SPNS3: variants seen among roughly 807,000 people sequenced by gnomAD.
The protein encoded by SPNS3 is protein spinster homolog 3.
SPNS3 carries 51 observed loss-of-function variants against 54.4 expected under a neutral mutation model. The ratio of observed to expected loss-of-function variants is 0.94; its 90% confidence interval spans 0.75 to 1.18. SPNS3 has a LOEUF of 1.18. Among genes scored for constraint, SPNS3 ranks in the 50% most tolerant of loss-of-function variants. The probability of loss-of-function intolerance (pLI) is 0.00; values close to 1 mark genes in which losing one functional copy is unlikely to be tolerated. For synonymous variants in SPNS3, 309 were observed against 294.7 expected (o/e 1.05, Z -0.50); for missense variants, 669 against 677.4 (o/e 0.99, Z 0.14).
At position 4,434,162 on chromosome 17, in the gene SPNS3, T is replaced by C; in HGVS notation, c.195T>C (p.Ile65=). 1.9e-6 allele frequency: 3 copies of C among 1,609,112 alleles called. No homozygotes were observed. The highest frequency in any genetic ancestry group is 2.5e-6 in the Non-Finnish European group (3 of 1,177,516). The change falls in exon 1 of 12, where the codon ATT becomes ATC. Residue 65 remains isoleucine (I), a synonymous_variant. Transcript: ENST00000355530. The stretch of plus-strand genomic sequence containing the variant: ...TGAATTACATGAACTGGTTCATCAT[T>C]GCAGGTGAGGAGGGGATGGCTACCC... ...NLLNYMNWFI[I]AGVLLDIQEV...
At chr17:4,473,016 T>C (rs1971900129) in intron 8 of SPNS3, among the ~76,000 whole-genome samples, 1 of 151,992 alleles carries the variant, frequency 6.6e-6, no homozygotes, top group Admixed American at 6.6e-5. Context: ...CTTGAACTCC[T>C]GGGCTCAAGC....
intron 8 of SPNS3, among the ~76,000 whole-genome samples, chr17:4,476,282 C>T (rs541789961): frequency 3.9e-5 from 6 of 152,324 alleles, no homozygotes; most frequent in East Asian, 1.9e-4. Context: ...GACCTGGCAT[C>T]GTCGGGCGGC....
chr17:4,449,190 G>T, intron 6 of SPNS3, 45 bp from the exon 7 acceptor site: 2 of 1,597,760 alleles, frequency 1.3e-6, no homozygotes, highest in Non-Finnish European at 8.5e-7. Flanking sequence ...GGCCCCTTCA[G>T]CCCCAGCCCT....
intron 8 of SPNS3, among the ~76,000 whole-genome samples, chr17:4,470,744 C>T (rs542180817): frequency 4.6e-5 from 7 of 152,214 alleles, no homozygotes; most frequent in South Asian, 2.1e-4. Context: ...CTTGAATAAA[C>T]GTAAAATCAA....
intron 8 of SPNS3, among the ~76,000 whole-genome samples, chr17:4,460,588 C>T (rs554439802): frequency 1.1e-3 from 170 of 150,842 alleles, no homozygotes; most frequent in African/African-American, 3.7e-3. Context: ...CCTGCTACCA[C>T]GCCTGGCTAA....
intron 8 of SPNS3, among the ~76,000 whole-genome samples, chr17:4,470,255 C>G (rs555082548): frequency 2.6e-5 from 4 of 151,966 alleles, no homozygotes; most frequent in South Asian, 4.2e-4. Context: ...ATGGTGAAAC[C>G]CCGTCTCTAC....
intron 2 of SPNS3, among the ~76,000 whole-genome samples, chr17:4,443,220 G>A (rs142244708): frequency 0.11 from 16,171 of 152,008 alleles, 1,010 homozygotes; most frequent in African/African-American, 0.18. Context: ...ACAGGCGCCC[G>A]CCACCATGCT....
chr17:4,451,879 G>A (rs1240040730), intron 7 of SPNS3, among the ~76,000 whole-genome samples: 2 of 148,894 alleles, frequency 1.3e-5, no homozygotes, highest in Admixed American at 6.7e-5. Context: ...GGGTTTTGCT[G>A]TATCGGCCAG....
Position 4,449,215 on chromosome 17 carries a change from TG to T in SPNS3, c.771-16del. ...GCCCCAGCCCTCTCCCAACTCCAGC[TG>T]GGGCACCTCGTCTTGCAGCTGGAGT... On this transcript the variant is annotated intron_variant, in intron 6 of 11. Transcript: ENST00000355530. 1 of 1,607,268 alleles carries T rather than the reference TG, an allele frequency of 6.2e-7. No individual in the cohort carries two copies.
intron 8 of SPNS3, among the ~76,000 whole-genome samples, chr17:4,465,394 T>C (rs76106812): frequency 0.034 from 5,175 of 152,176 alleles, 276 homozygotes; most frequent in African/African-American, 0.12. Context: ...TTTTTTTTTT[T>C]ACCTGAGCAC....
chr17:4,444,136 C>T (rs1970920073), intron 2 of SPNS3, among the ~76,000 whole-genome samples: 1 of 151,792 alleles, frequency 6.6e-6, no homozygotes. Flanking sequence ...CAGCTGTGTC[C>T]AGGGAACATT....
At chr17:4,444,975 C>A (rs1970943559) in intron 2 of SPNS3, 57 bp from the exon 3 acceptor site, 1 of 1,561,124 alleles carries the variant, frequency 6.4e-7, no homozygotes, top group African/African-American at 1.4e-5. Context: ...CCTGCTGGGC[C>A]ATCTGCCCTG....
rs1012224159 is a variant in SPNS3, at chr17:4,487,909, C to T, written c.*15C>T. 1.6e-5 allele frequency: 26 copies of T among 1,608,662 alleles called. No individual in the cohort carries two copies. The highest frequency in any genetic ancestry group is 2.0e-5 in the Non-Finnish European group (24 of 1,175,548). ...AGGAGCCCTGAGGTCCCTGCCTACACTCGTCCTGCCTGCAAGCCTCCCGTT... is the reference window on the plus strand; with the variant it reads ...AGGAGCCCTGAGGTCCCTGCCTACATTCGTCCTGCCTGCAAGCCTCCCGTT... On this transcript the variant is annotated 3_prime_UTR_variant, in exon 12 of 12. Coordinates refer to ENST00000355530, the MANE Select transcript of SPNS3 (RefSeq NM_182538.5).
At chr17:4,459,487 G>A (rs181628614) in intron 8 of SPNS3, among the ~76,000 whole-genome samples, 10 of 152,180 alleles carry the variant, frequency 6.6e-5, no homozygotes, top group Admixed American at 3.9e-4. Context: ...CGAGGCAGGC[G>A]GATCACCTGA....
At chr17:4,447,997 G>T (rs1431576184) in intron 5 of SPNS3, among the ~76,000 whole-genome samples, 158 bp from the exon 6 acceptor site, 5 of 152,180 alleles carry the variant, frequency 3.3e-5, no homozygotes, top group African/African-American at 1.2e-4. Context: ...ATCCTGCTCT[G>T]TGGATACCAG....
At chr17:4,449,049 G>GTCT (rs1485970715) in intron 6 of SPNS3, among the ~76,000 whole-genome samples, 186 bp from the exon 7 acceptor site, 1 of 152,308 alleles carries the variant, frequency 6.6e-6, no homozygotes, top group African/African-American at 2.4e-5. Flanking sequence ...TAACCTGAGT[G>GTCT]TCTTCTTCTT....
intron 7 of SPNS3, among the ~76,000 whole-genome samples, chr17:4,451,809 C>T (rs1971173129): frequency 6.6e-6 from 1 of 151,632 alleles, no homozygotes; most frequent in African/African-American, 2.4e-5. Context: ...GCTGGGATTA[C>T]AGGTGCCCAC....
intron 5 of SPNS3, 100 bp downstream of exon 5, chr17:4,447,062 C>G: frequency 8.2e-7 from 1 of 1,222,864 alleles, no homozygotes; most frequent in Non-Finnish European, 1.1e-6. Context: ...CACCCGGCGC[C>G]ATTAGGGGGA....
Position 4,449,241 on chromosome 17 carries a change from T to C in SPNS3, c.777T>C (p.Ser259=), listed in dbSNP as rs1414091135. The C allele has an allele frequency of 1.9e-6, 3 of 1,609,258 alleles. No homozygotes were observed. Among genetic ancestry groups the C allele is most frequent in the Non-Finnish European group, 2.5e-6 (3 of 1,179,246 alleles). ...GGGGCACCTCGTCTTGCAGCTGGAG[T>C]TTCGTGTGGTCGACCCTCGGAGTGA... is the stretch of plus-strand genomic sequence containing the variant. The part of the protein sequence containing the change: ...EDVRYLGKNW[S]FVWSTLGVTA... Residue 259 remains serine, a synonymous_variant, in exon 7 of 12, where the codon AGT becomes AGC. Coordinates refer to ENST00000355530, the MANE Select transcript of SPNS3 (RefSeq NM_182538.5).
Sources: allele counts gnomAD v4.1 joint callset (sites outside exome capture counted in the v4.1 genomes callset), GRCh38; gene constraint gnomAD v4.1.1; transcripts MANE v1.5; gene names NCBI Gene and HGNC (gene_info 2026-07-23, HGNC 2026-07-21).